The following DENND5B variants were observed in gnomAD, a reference collection of about 807,000 sequenced individuals.
The protein encoded by DENND5B is DENN domain-containing protein 5B.
In DENND5B, 34 loss-of-function variants were observed where a neutral mutation model predicts 140.6. That is an observed-to-expected ratio of 0.24 (90% CI 0.18 to 0.32). The LOEUF (loss-of-function observed/expected upper bound fraction) is 0.32, where lower values mean the gene tolerates loss of function less well. DENND5B is among the 10% of genes least tolerant of loss of function. The pLI is 1.00. For missense variants in DENND5B, 1,142 were observed against 1,560.2 expected (o/e 0.73, Z 4.52); for synonymous variants, 551 against 562.1 (o/e 0.98, Z 0.28).
intron 2 of DENND5B, among the ~76,000 whole-genome samples, chr12:31,490,525 C>T (rs1013396217): frequency 2.0e-5 from 3 of 151,620 alleles, no homozygotes; most frequent in East Asian, 1.9e-4. Context: ...GGTGGAGGAT[C>T]GCTAGAGCAT....
At chr12:31,432,209 G>A (rs1181567790) in intron 8 of DENND5B, 1 of 728,288 alleles carries the variant, frequency 1.4e-6, no homozygotes. Flanking sequence ...AGGATAGGGA[G>A]AAAGAGACAA....
At chr12:31,561,164 T>TC (rs1200017893) in intron 1 of DENND5B, among the ~76,000 whole-genome samples, 1 of 152,172 alleles carries the variant, frequency 6.6e-6, no homozygotes, top group Admixed American at 6.5e-5. Flanking sequence ...TCAGGATCTG[T>TC]CCGAGTCACA....
At chr12:31,427,530 TG>T (rs1943300002) in intron 8 of DENND5B, among the ~76,000 whole-genome samples, 1 of 150,490 alleles carries the variant, frequency 6.6e-6, no homozygotes, top group African/African-American at 2.4e-5. Context: ...CGCTTGAACC[TG>T]GGAGGCGGAG....
At chr12:31,564,650 G>A (rs563645801) in intron 1 of DENND5B, among the ~76,000 whole-genome samples, 47 of 151,172 alleles carry the variant, frequency 3.1e-4, no homozygotes, top group Non-Finnish European at 4.6e-4. Flanking sequence ...GAGCAGTGGC[G>A]AGATCTCTGC....
chr12:31,442,573 TTTTTC>T (rs1180716420), intron 7 of DENND5B, among the ~76,000 whole-genome samples, 197 bp downstream of exon 7: 1 of 152,130 alleles, frequency 6.6e-6, no homozygotes, highest in Admixed American at 6.5e-5. Context: ...AGCCTTTGTT[TTTTTC>T]TTTTTTTTTT....
At chr12:31,466,119 C>T (rs1194845417) in intron 3 of DENND5B, among the ~76,000 whole-genome samples, 2 of 152,138 alleles carry the variant, frequency 1.3e-5, no homozygotes, top group Admixed American at 6.5e-5. Flanking sequence ...CTTTGGGAGG[C>T]CAAGGCGGGC....
At chr12:31,450,990 C>T (rs922992692) in intron 5 of DENND5B, among the ~76,000 whole-genome samples, 5 of 152,128 alleles carry the variant, frequency 3.3e-5, no homozygotes, top group African/African-American at 1.2e-4. Context: ...TATTTTCTGA[C>T]TTCTCTTTCC....
intron 11 of DENND5B, 93 bp from the exon 12 acceptor site, chr12:31,415,541 A>C: frequency 1.0e-6 from 1 of 996,348 alleles, no homozygotes; most frequent in Non-Finnish European, 1.5e-6. Context: ...GATAAGAACA[A>C]ATTTTAACAA....
chr12:31,473,809 A>G (rs1296613977), intron 3 of DENND5B, among the ~76,000 whole-genome samples: 2 of 152,220 alleles, frequency 1.3e-5, no homozygotes, highest in Admixed American at 6.5e-5. Context: ...TCCCTATTGA[A>G]AAAGAAATGG....
At chr12:31,436,968 G>A (rs926433347) in intron 7 of DENND5B, among the ~76,000 whole-genome samples, 2 of 152,186 alleles carry the variant, frequency 1.3e-5, no homozygotes, top group African/African-American at 4.8e-5. Context: ...TCCAGAAAGT[G>A]TTCTATGACT....
intron 14 of DENND5B, among the ~76,000 whole-genome samples, chr12:31,403,897 CAAAAAAAAAAAAAAA>C (rs751708684): frequency 2.7e-5 from 1 of 36,372 alleles, no homozygotes; most frequent in Non-Finnish European, 4.7e-5. Context: ...ACTCCATCTC[CAAAAAAAAAAAAAAA>C]AAAAAAAAAA....
chr12:31,410,377 CT>C (rs1158479409), intron 13 of DENND5B, among the ~76,000 whole-genome samples: 3 of 152,080 alleles, frequency 2.0e-5, no homozygotes, highest in Non-Finnish European at 4.4e-5. Flanking sequence ...TGAGGTAAGT[CT>C]ATTAGTGCCT....
At chr12:31,443,262 A>G (rs192909707) in intron 6 of DENND5B, among the ~76,000 whole-genome samples, 40 of 152,244 alleles carry the variant, frequency 2.6e-4, no homozygotes, top group Non-Finnish European at 2.8e-4. Flanking sequence ...TTTAGTAGAG[A>G]TGGCGTTTCA....
At chr12:31,555,106 C>T (rs568776389) in intron 1 of DENND5B, among the ~76,000 whole-genome samples, 3 of 152,300 alleles carry the variant, frequency 2.0e-5, no homozygotes, top group South Asian at 2.1e-4. Context: ...TGAGGAGCTG[C>T]GTTCCTTTGG....
Position 31,447,495 on chromosome 12 carries a change from G to A in DENND5B, c.1861+43C>T, listed in dbSNP as rs749503906. ...GGCCAGCAATTTGTGGGAAAAAAGCGATAATGGATTTTAATTTAATTTAAA... is the reference window on the plus strand; with the variant it reads ...GGCCAGCAATTTGTGGGAAAAAAGCAATAATGGATTTTAATTTAATTTAAA... On this transcript the variant is annotated intron_variant, in intron 6 of 20. Coordinates refer to ENST00000389082, the MANE Select transcript of DENND5B (RefSeq NM_144973.4). The A allele has an allele frequency of 1.2e-5, 18 of 1,532,538 alleles. No homozygotes were observed. The East Asian group carries it at 1.4e-4, about 12-fold the overall frequency. The allele number at this position is 1,532,538 out of a possible 1,614,324, so 94.9% of individuals were successfully genotyped here.
chr12:31,500,294 T>G (rs1345752988), intron 1 of DENND5B: 6 of 428,336 alleles, frequency 1.4e-5, no homozygotes, highest in South Asian at 3.4e-5. Context: ...TCAAAAAGTT[T>G]CAAATTTTGG....
At chr12:31,394,754 T>C (rs1457734645) in intron 17 of DENND5B, among the ~76,000 whole-genome samples, 2 of 151,990 alleles carry the variant, frequency 1.3e-5, no homozygotes, top group African/African-American at 4.8e-5. Context: ...GCTGGGACTA[T>C]TGACACCTGC....
At chr12:31,421,224 T>C (rs1034925681) in intron 11 of DENND5B, among the ~76,000 whole-genome samples, 2 of 152,000 alleles carry the variant, frequency 1.3e-5, no homozygotes, top group Admixed American at 1.3e-4. Flanking sequence ...TTTGTATTTT[T>C]AGTAGAGAGT....
At chr12:31,579,946 A>T (rs930680957) in intron 1 of DENND5B, among the ~76,000 whole-genome samples, 2 of 151,438 alleles carry the variant, frequency 1.3e-5, no homozygotes, top group African/African-American at 4.8e-5. Flanking sequence ...GCACAATAGG[A>T]GAGTATAAAC....
Sources: gnomAD v4.1 joint callset for allele counts (sites outside exome capture counted in the v4.1 genomes callset) on GRCh38, gnomAD v4.1.1 for gene constraint, MANE v1.5 for transcripts, NCBI Gene and HGNC (gene_info 2026-07-23, HGNC 2026-07-21) for gene names.